The following FGF14 variants were observed in gnomAD, a reference collection of about 807,000 sequenced individuals.
The protein encoded by FGF14 is fibroblast growth factor 14, also known as fibroblast growth factor homologous factor 4.
A neutral mutation model predicts 25.5 loss-of-function variants in FGF14; 5 were observed. The observed-to-expected ratio is 0.20, with a 90% CI of 0.10 to 0.41. FGF14 has a LOEUF of 0.41. FGF14 is among the 10% of genes least tolerant of loss of function. The pLI, the probability that FGF14 is intolerant of heterozygous loss-of-function variation, is 1.00. For synonymous variants in FGF14, 138 were observed against 118.3 expected (o/e 1.17, Z -1.08); for missense variants, 222 against 320.1 (o/e 0.69, Z 2.34).
chr13:102,099,599 A>C (rs2044565454), intron 1 of FGF14, among the ~76,000 whole-genome samples: 1 of 152,084 alleles, frequency 6.6e-6, no homozygotes, highest in African/African-American at 2.4e-5. Flanking sequence ...GCTCAAAGTC[A>C]TATAATAAGC....
intron 3 of FGF14, among the ~76,000 whole-genome samples, chr13:101,849,540 T>C (rs1271921966): frequency 6.6e-6 from 1 of 152,016 alleles, no homozygotes; most frequent in Admixed American, 6.6e-5. Context: ...TTAGAATCCA[T>C]ACTATCTTTC....
At chr13:102,378,494 G>A (rs368593036) in intron 1 of FGF14, among the ~76,000 whole-genome samples, 1 of 151,980 alleles carries the variant, frequency 6.6e-6, no homozygotes, top group Non-Finnish European at 1.5e-5. Flanking sequence ...ACCAGAGAAC[G>A]AAGGAAAGAA....
intron 1 of FGF14, among the ~76,000 whole-genome samples, chr13:102,278,631 T>C (rs2053664509): frequency 7.3e-6 from 1 of 137,902 alleles, no homozygotes; most frequent in South Asian, 2.2e-4. Context: ...TTATGTAATA[T>C]ATATATATAT....
chr13:102,136,674 A>C (rs536284594), intron 1 of FGF14, among the ~76,000 whole-genome samples: 10 of 152,186 alleles, frequency 6.6e-5, no homozygotes, highest in African/African-American at 2.2e-4. Context: ...AAAAAAAAAA[A>C]AAACCTGAGA....
At chr13:101,820,954 CTT>C (rs138807843) in intron 3 of FGF14, among the ~76,000 whole-genome samples, 11 of 141,216 alleles carry the variant, frequency 7.8e-5, no homozygotes, top group Non-Finnish European at 3.1e-5. Flanking sequence ...TTAGATTTTG[CTT>C]TTTTTTTTTT....
intron 1 of FGF14, among the ~76,000 whole-genome samples, chr13:101,949,890 C>T (rs73567878): frequency 2.8e-3 from 419 of 152,294 alleles, no homozygotes; most frequent in African/African-American, 9.7e-3. Context: ...CCCCTGCTTT[C>T]CTTGAAGATA....
chr13:101,958,432 C>T (rs1346675347), intron 1 of FGF14, among the ~76,000 whole-genome samples: 1 of 152,168 alleles, frequency 6.6e-6, no homozygotes, highest in African/African-American at 2.4e-5. Context: ...AGTCCAAAGC[C>T]CTTGCACATC....
chr13:101,816,381 C>A lies in FGF14; in HGVS notation c.408+52344G>T, dbSNP rs561639314. On this transcript the variant is annotated intron_variant, in intron 3 of 4. Transcript: ENST00000376143. ...TTTGGAACTTCTTGCTCTCCCTCCC[C>A]CGCCAACATGGTGAAAGAGAAGGAT... Among the ~76,000 whole-genome samples the A allele has an allele frequency of 5.9e-5, 9 of 152,092 alleles. No individual in the cohort carries two copies. In the East Asian group the frequency reaches 1.7e-3, roughly 29 times the overall value.
intron 1 of FGF14, among the ~76,000 whole-genome samples, chr13:102,246,842 C>T (rs966284360): frequency 1.3e-5 from 2 of 151,728 alleles, no homozygotes; most frequent in African/African-American, 2.4e-5. Context: ...TCAAACTATA[C>T]TACAGTGCTG....
chr13:102,334,883 T>G (rs1011932624), intron 1 of FGF14, among the ~76,000 whole-genome samples: 10 of 152,260 alleles, frequency 6.6e-5, no homozygotes, highest in African/African-American at 1.9e-4. Context: ...TTTCAGCAGT[T>G]ATGTTGGTAG....
At chr13:102,236,532 G>A (rs943245018) in intron 1 of FGF14, among the ~76,000 whole-genome samples, 11 of 152,124 alleles carry the variant, frequency 7.2e-5, no homozygotes, top group African/African-American at 2.4e-4. Context: ...AATAGAACGA[G>A]GTGCACTGTC....
chr13:102,219,752 T>C (rs1347477245), intron 1 of FGF14, among the ~76,000 whole-genome samples: 1 of 152,158 alleles, frequency 6.6e-6, no homozygotes, highest in Admixed American at 6.5e-5. Context: ...ATAATGACAA[T>C]TGAAAGGCAA....
intron 1 of FGF14, among the ~76,000 whole-genome samples, chr13:101,978,720 T>C (rs1350582137): frequency 6.6e-6 from 1 of 152,180 alleles, no homozygotes; most frequent in East Asian, 1.9e-4. Context: ...CAGTTCTACT[T>C]TCAGAGTAGC....
intron 3 of FGF14, among the ~76,000 whole-genome samples, chr13:101,867,217 C>T (rs1185006606): frequency 6.6e-6 from 1 of 152,008 alleles, no homozygotes; most frequent in African/African-American, 2.4e-5. Flanking sequence ...TAGCCTGCAC[C>T]AAGCATAATC....
At chr13:101,783,207 C>T (rs1427867245) in intron 3 of FGF14, among the ~76,000 whole-genome samples, 1 of 152,020 alleles carries the variant, frequency 6.6e-6, no homozygotes, top group Non-Finnish European at 1.5e-5. Context: ...CGCGGTGGCT[C>T]AAGCCTGTAA....
rs145962632 is a variant in FGF14 at position 102,000,865 on chromosome 13, C to A, written c.209-125569G>T. ...GCCAATGGAAATGTCCTATAATCAA[C>A]TGAAACTATAAATGAGAGGCTTCAG... On this transcript the variant is annotated intron_variant, in intron 1 of 4. Transcript: ENST00000376131. Among the ~76,000 whole-genome samples, 239 of 152,282 alleles carry A rather than the reference C, an allele frequency of 1.6e-3. 1 individual carries two copies. The highest frequency in any genetic ancestry group is 5.4e-3 in the African/African-American group (224 of 41,558).
intron 1 of FGF14, among the ~76,000 whole-genome samples, chr13:101,965,171 T>C (rs571577513): frequency 1.3e-3 from 192 of 150,870 alleles, no homozygotes; most frequent in Admixed American, 2.1e-3. Context: ...ATTGCTTGAA[T>C]CCAGCAGGCA....
intron 1 of FGF14, among the ~76,000 whole-genome samples, chr13:101,881,545 T>C (rs887957568): frequency 2.6e-5 from 4 of 152,188 alleles, no homozygotes; most frequent in Admixed American, 6.5e-5. Context: ...CAAAATACAA[T>C]CAGCAAAATT....
At chr13:102,215,612 C>T (rs1027417941) in intron 1 of FGF14, among the ~76,000 whole-genome samples, 1 of 152,158 alleles carries the variant, frequency 6.6e-6, no homozygotes, top group African/African-American at 2.4e-5. Context: ...ACCAACCTAC[C>T]TTTATGTCAG....
Sources: gnomAD v4.1 joint callset for allele counts (sites outside exome capture counted in the v4.1 genomes callset) on GRCh38, gnomAD v4.1.1 for gene constraint, MANE v1.5 for transcripts, NCBI Gene and HGNC (gene_info 2026-07-23, HGNC 2026-07-21) for gene names.